TENM4: variants seen among roughly 807,000 people sequenced by gnomAD.
TENM4 encodes the protein teneurin transmembrane protein 4.
Under a neutral mutation model 243.3 loss-of-function variants are expected in TENM4, and 82 were observed. The ratio of observed to expected loss-of-function variants is 0.34; its 90% CI spans 0.28 to 0.40. The LOEUF (loss-of-function observed/expected upper bound fraction) is 0.40. TENM4 is among the 10% of genes least tolerant of loss of function. The pLI is 1.00. For synonymous variants in TENM4, 1,412 were observed against 1,456.3 expected, an observed-to-expected ratio of 0.97 and a Z score of 0.69; for missense variants, 3,138 against 3,673.3, an observed-to-expected ratio of 0.85 and a Z score of 3.77.
rs191427449 is a variant in TENM4, at chr11:78,749,974, G to C, written c.2756+6831C>G. On this transcript the variant is annotated intron_variant, in intron 19 of 33. Transcript: ENST00000278550. ...TGCTCATATACCACAGATTTCCTAA[G>C]CCCATCTTGATTTCAAATGTCAGAG... 3.9e-5 allele frequency among the ~76,000 whole-genome samples: 6 copies of C among 152,080 alleles called. No homozygotes were observed. In the East Asian group the frequency reaches 1.2e-3, roughly 29 times the overall value.
chr11:78,769,490 C>A (rs572470366), intron 18 of TENM4, among the ~76,000 whole-genome samples: 2 of 152,338 alleles, frequency 1.3e-5, no homozygotes, highest in East Asian at 3.9e-4. Context: ...GGTCTTTCTC[C>A]CTCATTTGAG....
At chr11:78,754,817 T>C (rs563871938) in intron 19 of TENM4, among the ~76,000 whole-genome samples, 16 of 152,230 alleles carry the variant, frequency 1.1e-4, no homozygotes, top group Non-Finnish European at 2.2e-4. Flanking sequence ...AGCTTCTCAG[T>C]ACTCCGGGGG....
intron 1 of TENM4, among the ~76,000 whole-genome samples, chr11:79,376,646 G>A (rs1392235245): frequency 1.3e-5 from 2 of 152,288 alleles, no homozygotes; most frequent in South Asian, 4.1e-4. Context: ...ATGAATGAAC[G>A]AACAGTGGTC....
At chr11:79,129,836 G>T (rs1861964593) in intron 4 of TENM4, among the ~76,000 whole-genome samples, 1 of 152,076 alleles carries the variant, frequency 6.6e-6, no homozygotes, top group Admixed American at 6.5e-5. Context: ...TTTAATCGTG[G>T]GAGTTCTAGA....
Position 78,729,388 on chromosome 11 carries a change from A to G in TENM4, c.3394T>C (p.Ser1132Pro), listed in dbSNP as rs762781020. Residue 1132 changes from serine (S) to proline (P), a missense_variant, in exon 22 of 34, where the codon TCA (serine) becomes CCA (proline). Coordinates refer to ENST00000278550, the MANE Select transcript of TENM4 (RefSeq NM_001098816.3). ...DVYNQKVFGL[S>P]EAFVSVGYEY... The stretch of plus-strand genomic sequence containing the variant: ...CCGGGAGGCTTACCAAAGGCTTCTG[A>G]AAGCCCAAACACCTTCTGGTTGTAG... 17 of 1,576,704 alleles carry G rather than the reference A, an allele frequency of 1.1e-5. No individual in the cohort carries two copies. The Admixed American group carries it at 3.1e-4, about 29-fold the overall frequency.
At chr11:79,070,042 G>A in intron 4 of TENM4, 33 bp from the exon 5 acceptor site, 1 of 1,472,936 alleles carries the variant, frequency 6.8e-7, no homozygotes, top group Non-Finnish European at 9.0e-7. Context: ...TAGGGCGTGA[G>A]AGGCAGAGAA....
intron 6 of TENM4, among the ~76,000 whole-genome samples, chr11:78,972,458 C>T (rs900221150): frequency 3.3e-5 from 5 of 152,064 alleles, no homozygotes; most frequent in South Asian, 2.1e-4. Context: ...ACAGGTTTCT[C>T]GGGGACTTTA....
intron 6 of TENM4, among the ~76,000 whole-genome samples, chr11:78,932,979 G>A (rs1041588396): frequency 1.1e-4 from 16 of 152,120 alleles, no homozygotes. Context: ...TTACAGAACT[G>A]TTGGGCTGGA....
At position 78,701,615 on chromosome 11, in the gene TENM4, T is replaced by C; in HGVS notation, c.4998A>G (p.Gln1666=). The change falls in exon 28 of 34, where the codon CAA becomes CAG. Residue 1666 remains glutamine, a synonymous_variant. Coordinates refer to ENST00000278550, the MANE Select transcript of TENM4 (RefSeq NM_001098816.3). ...TNSALKSVTT[Q]GHELAMMTYH... ...ATGTCATCATGGCCAACTCGTGTCCTTGTGTGGTCACACTCTTGAGTGCAC... is the reference window on the plus strand; with the variant it reads ...ATGTCATCATGGCCAACTCGTGTCCCTGTGTGGTCACACTCTTGAGTGCAC... The C allele has an allele frequency of 6.2e-7, 1 of 1,613,172 alleles. No homozygotes were observed. The highest frequency in any genetic ancestry group is 8.5e-7 in the Non-Finnish European group (1 of 1,179,192).
intron 6 of TENM4, among the ~76,000 whole-genome samples, chr11:78,978,422 A>T (rs1857716435): frequency 6.6e-6 from 1 of 152,110 alleles, no homozygotes; most frequent in South Asian, 2.1e-4. Context: ...TAAATGATCC[A>T]TTTAGTCCTT....
intron 23 of TENM4, among the ~76,000 whole-genome samples, chr11:78,725,578 T>G (rs981242162): frequency 1.3e-5 from 2 of 152,206 alleles, no homozygotes; most frequent in South Asian, 4.1e-4. Context: ...TCTGCTTAAA[T>G]CACAATGAAC....
chr11:78,769,116 G>A (rs979230504), intron 18 of TENM4, among the ~76,000 whole-genome samples: 2 of 152,184 alleles, frequency 1.3e-5, no homozygotes, highest in African/African-American at 4.8e-5. Context: ...AGGGAATGGT[G>A]GCTCTTCTCT....
chr11:78,778,993 G>A (rs890546092), intron 16 of TENM4, among the ~76,000 whole-genome samples: 1 of 152,244 alleles, frequency 6.6e-6, no homozygotes, highest in Non-Finnish European at 1.5e-5. Context: ...GAAAACTAGA[G>A]CCCGTCCCTT....
chr11:78,786,781 G>A, intron 16 of TENM4, 117 bp downstream of exon 16: 1 of 1,402,114 alleles, frequency 7.1e-7, no homozygotes, highest in Non-Finnish European at 9.6e-7. Flanking sequence ...CCAGATGAAA[G>A]GACTTTCTTC....
chr11:79,355,520 G>A (rs374538394), intron 1 of TENM4, among the ~76,000 whole-genome samples: 42 of 102,852 alleles, frequency 4.1e-4, no homozygotes, highest in African/African-American at 1.5e-3. Flanking sequence ...GTGACAGAGC[G>A]AGACTCCATC....
intron 4 of TENM4, among the ~76,000 whole-genome samples, chr11:79,070,540 A>C (rs1169471568): frequency 6.6e-6 from 1 of 152,152 alleles, no homozygotes; most frequent in Non-Finnish European, 1.5e-5. Context: ...ACCAACCCAC[A>C]CTTACCACTA....
chr11:78,903,121 G>T, intron 7 of TENM4, 147 bp downstream of exon 7: 1 of 1,181,960 alleles, frequency 8.5e-7, no homozygotes. Flanking sequence ...GGCAGTCAGG[G>T]AACCGCATCC....
chr11:78,792,539 T>C (rs939029247), intron 15 of TENM4, among the ~76,000 whole-genome samples: 40 of 152,244 alleles, frequency 2.6e-4, no homozygotes, highest in African/African-American at 9.4e-4. Context: ...ACCCCACCTC[T>C]TCCCTGCCTC....
intron 6 of TENM4, among the ~76,000 whole-genome samples, chr11:79,041,622 T>C (rs1221708357): frequency 6.6e-6 from 1 of 152,194 alleles, no homozygotes; most frequent in African/African-American, 2.4e-5. Context: ...ATTTACAACA[T>C]CCAAAGAGTG....
Sources: allele counts gnomAD v4.1 joint callset (sites outside exome capture counted in the v4.1 genomes callset), GRCh38; gene constraint gnomAD v4.1.1; transcripts MANE v1.5; gene names NCBI Gene and HGNC (gene_info 2026-07-23, HGNC 2026-07-21).